The following C19orf44 variants were observed in gnomAD, a reference collection of about 807,000 sequenced individuals.
C19orf44 encodes the protein uncharacterized protein C19orf44.
A neutral mutation model predicts 50.7 loss-of-function variants in C19orf44; 43 were observed. That is an observed-to-expected ratio of 0.85 (90% CI 0.66 to 1.09). C19orf44 has a LOEUF of 1.09. Ranked by LOEUF, C19orf44 falls within the 50% of genes least tolerant of loss-of-function variation. C19orf44 has a pLI of 0.00. For missense variants in C19orf44, 722 were observed against 836.2 expected, an observed-to-expected ratio of 0.86 and a Z score of 1.68; for synonymous variants, 298 against 334.7, an observed-to-expected ratio of 0.89 and a Z score of 1.20.
chr19:16,518,109 G>C (rs572142133), intron 8 of C19orf44: 1 of 152,260 alleles, frequency 6.6e-6, no homozygotes, highest in East Asian at 1.9e-4. Flanking sequence ...CTGTACAAAT[G>C]AATGGAATTG....
In C19orf44 at chr19:16,519,179, C is replaced by T; in HGVS notation, c.*41-915C>T. On this transcript the variant is annotated intron_variant, in intron 8 of 8. Transcript: ENST00000221671. The surrounding 1 kb of genome is among the most constrained non-coding windows in gnomAD (Gnocchi z 6.0). ...GGCGCCTACTTACACTCGTCCCTGGCCTTCATGCGGGCGATGAAGGAGTAG... is the reference window on the plus strand; with the variant it reads ...GGCGCCTACTTACACTCGTCCCTGGTCTTCATGCGGGCGATGAAGGAGTAG... 6.2e-7 allele frequency: 1 copy of T among 1,613,748 alleles called. No homozygotes were observed. Among genetic ancestry groups the T allele is most frequent in the Non-Finnish European group, 8.5e-7 (1 of 1,179,958 alleles).
chr19:16,514,724 C>CG (rs2093467166), intron 7 of C19orf44, 61 bp downstream of exon 7: 1 of 1,448,176 alleles, frequency 6.9e-7, no homozygotes, highest in African/African-American at 1.5e-5. Flanking sequence ...TCCCAGAGGC[C>CG]GGGCCGAAGG....
At chr19:16,504,362 CTT>C (rs1307391300) in intron 3 of C19orf44, among the ~76,000 whole-genome samples, 1 of 152,000 alleles carries the variant, frequency 6.6e-6, no homozygotes, top group Admixed American at 6.6e-5. Context: ...TTTTAGAACT[CTT>C]TTTTTCAGAA....
chr19:16,517,324 G>A lies in C19orf44; in HGVS notation c.*23G>A, dbSNP rs199616007. On this transcript the variant is annotated 3_prime_UTR_variant, in exon 8 of 9. Transcript: ENST00000221671. ...TGAGCGCCAGCAGGTGGAGCTTGAC[G>A]TGACGTCTTAACAAAAGGTATCCCG... 16 of 1,609,556 alleles carry A rather than the reference G, an allele frequency of 9.9e-6. No homozygotes were observed. Among genetic ancestry groups the A allele is most frequent in the Middle Eastern group, 1.7e-4 (1 of 6,058 alleles).
intron 2 of C19orf44, among the ~76,000 whole-genome samples, chr19:16,501,819 G>A (rs749659514): frequency 7.9e-5 from 12 of 151,820 alleles, no homozygotes; most frequent in Admixed American, 2.0e-4. Context: ...TTGAACTTCC[G>A]ATCTCAGGTG....
Position 16,519,939 on chromosome 19 carries a change from A to G in C19orf44, c.*41-155A>G. 1.5e-6 allele frequency: 1 copy of G among 663,466 alleles called. No individual in the cohort carries two copies. Among genetic ancestry groups the G allele is most frequent in the Non-Finnish European group, 2.6e-6 (1 of 386,620 alleles). 41.1% of individuals were successfully genotyped at this position (663,466 alleles called of 1,614,324 possible). ...TCAGCATTGAGAGCAGGACACCTCC[A>G]ACCCAGATGGTGGTTAGAAAGCAGA... On this transcript the variant is annotated intron_variant, in intron 8 of 8. Coordinates refer to ENST00000221671, the MANE Select transcript of C19orf44 (RefSeq NM_032207.4). The surrounding 1 kb of genome is among the most constrained non-coding windows in gnomAD (Gnocchi z 6.0).
rs1223215043 is a variant in C19orf44 at position 16,520,560 on chromosome 19, C to T, written c.*507C>T. 6.4e-7 allele frequency: 1 copy of T among 1,568,314 alleles called. No individual in the cohort carries two copies. The highest frequency in any genetic ancestry group is 1.4e-5 in the African/African-American group (1 of 73,814). On this transcript the variant is annotated 3_prime_UTR_variant, in exon 9 of 9. Transcript: ENST00000221671. This position sits in a 1 kb window ranked among gnomAD's most constrained non-coding sequence, Gnocchi z 4.0. ...GCCCCAGTGGATGGGCTGCACCCAG[C>T]CCACCCTGGCCCTCAGGTTCCTAGA...
rs1409021402 is a variant in C19orf44, at chr19:16,521,318, CTGA to C, written c.*1268_*1270del. 1.7e-6 allele frequency: 1 copy of C among 582,172 alleles called. No individual in the cohort carries two copies. The highest frequency in any genetic ancestry group is 3.0e-6 in the Non-Finnish European group (1 of 332,174). The allele number at this position is 582,172 out of a possible 1,614,324, so 36.1% of individuals were successfully genotyped here. A position where few individuals can be genotyped will look rare whatever the true frequency, so the allele number is the denominator to read the frequency against. On this transcript the variant is annotated 3_prime_UTR_variant, in exon 9 of 9. Transcript: ENST00000221671. ...CGTGCCACACCTTCCCTAACTTCTT[CTGA>C]TGTGTCTCCATTAAAACGCCCTTCA... is the stretch of plus-strand genomic sequence containing the variant.
At position 16,514,574 on chromosome 19, in the gene C19orf44, A is replaced by G. The variant is rs2093466527; in HGVS notation, c.1813A>G (p.Ile605Val). ...GCAGCTGAGCCTGACGCAGCAGTTC[A>G]TCCAGGCCAGCCGGCACCTGCACGC... ...KQQLSLTQQF[I>V]QASRHLHASL... The change falls in exon 7 of 9, where the codon ATC becomes GTC. Residue 605 changes from isoleucine to valine, a missense_variant. Physicochemically the swap from Ile to Val is conservative, Grantham distance 29 (BLOSUM62 3). Transcript: ENST00000221671. 1.2e-6 allele frequency: 2 copies of G among 1,610,438 alleles called. No individual in the cohort carries two copies. The highest frequency in any genetic ancestry group is 2.2e-5 in the East Asian group (1 of 44,772).
chr19:16,517,722 T>C (rs1410434724), intron 8 of C19orf44, among the ~76,000 whole-genome samples: 1 of 152,080 alleles, frequency 6.6e-6, no homozygotes, highest in Non-Finnish European at 1.5e-5. Context: ...ACAGGGTGGA[T>C]GGGAGAAGCC....
Position 16,520,278 on chromosome 19 carries a change from G to A in C19orf44, c.*225G>A. 2 of 1,613,502 alleles carry A rather than the reference G, an allele frequency of 1.2e-6. No homozygotes were observed. The highest frequency in any genetic ancestry group is 1.1e-5 in the South Asian group (1 of 91,068). On this transcript the variant is annotated 3_prime_UTR_variant, in exon 9 of 9. Coordinates refer to ENST00000221671, the MANE Select transcript of C19orf44 (RefSeq NM_032207.4). This position sits in a 1 kb window ranked among gnomAD's most constrained non-coding sequence, Gnocchi z 4.0. ...CCTGCTCCGACTTCTGCAGGGAAGGGTGCCCAAGGGTCAGCAGCAGCCAGG... is the reference window on the plus strand; with the variant it reads ...CCTGCTCCGACTTCTGCAGGGAAGGATGCCCAAGGGTCAGCAGCAGCCAGG...
At position 16,519,518 on chromosome 19, in the gene C19orf44, T is replaced by G; in HGVS notation, c.*41-576T>G. On this transcript the variant is annotated intron_variant, in intron 8 of 8. Coordinates refer to ENST00000221671, the MANE Select transcript of C19orf44 (RefSeq NM_032207.4). The surrounding 1 kb of genome is among the most constrained non-coding windows in gnomAD (Gnocchi z 6.0). ...TGGGTGGAGTCAGAACCGGCCTGAC[T>G]CCATCCATCCCCACATGCACTGAGG... 1 of 1,288,572 alleles carries G rather than the reference T, an allele frequency of 7.8e-7. No individual in the cohort carries two copies. The highest frequency in any genetic ancestry group is 1.1e-6 in the Non-Finnish European group (1 of 894,036). The allele number at this position is 1,288,572 out of a possible 1,614,324, so 79.8% of individuals were successfully genotyped here.
At chr19:16,498,884 A>G (rs1000143985) in intron 1 of C19orf44, among the ~76,000 whole-genome samples, 2 of 150,992 alleles carry the variant, frequency 1.3e-5, no homozygotes, top group Non-Finnish European at 3.0e-5. Context: ...GTTAGCCAGG[A>G]TGGTCTCTAT....
intron 1 of C19orf44, among the ~76,000 whole-genome samples, chr19:16,500,151 AC>A (rs1476565418): frequency 6.6e-6 from 1 of 151,580 alleles, no homozygotes; most frequent in East Asian, 1.9e-4. Context: ...CTGGTCTCGA[AC>A]CCCTGGGCTC....
At chr19:16,503,687 C>T (rs917902324) in intron 3 of C19orf44, among the ~76,000 whole-genome samples, 16 of 151,918 alleles carry the variant, frequency 1.1e-4, no homozygotes, top group Admixed American at 9.2e-4. Context: ...GCCTCAGCCT[C>T]CTGACCAGCT....
At chr19:16,500,764 A>G in intron 1 of C19orf44, 28 bp from the exon 2 acceptor site, 1 of 1,538,532 alleles carries the variant, frequency 6.5e-7, no homozygotes, top group Non-Finnish European at 8.7e-7. Flanking sequence ...AGGTACTCTT[A>G]TGCAAAATTG....
In C19orf44 at chr19:16,521,231, G is replaced by A; in HGVS notation, c.*1178G>A. ...CCTGCAGCCCAGCACAGGAAGGAGG[G>A]GTGACCACTGGGAAGGGTGGGCTGA... is the stretch of plus-strand genomic sequence containing the variant. On this transcript the variant is annotated 3_prime_UTR_variant, in exon 9 of 9. Transcript: ENST00000221671. The A allele has an allele frequency of 3.5e-6, 2 of 572,288 alleles. No homozygotes were observed. Among genetic ancestry groups the A allele is most frequent in the Non-Finnish European group, 6.2e-6 (2 of 320,972 alleles). 35.5% of individuals were successfully genotyped at this position (572,288 alleles called of 1,614,324 possible). A position where few individuals can be genotyped will look rare whatever the true frequency, so the allele number is the denominator to read the frequency against.
rs376321664 is a variant in C19orf44 at position 16,520,420 on chromosome 19, C to T, written c.*367C>T. ...AGGAGCGCGACCTTGACCTTGAGTA[C>T]GAGCCTGAAGACTTGGAGGATCTTG... On this transcript the variant is annotated 3_prime_UTR_variant, in exon 9 of 9. Transcript: ENST00000221671. This position sits in a 1 kb window ranked among gnomAD's most constrained non-coding sequence, Gnocchi z 4.0. 47 of 1,614,072 alleles carry T rather than the reference C, an allele frequency of 2.9e-5. No homozygotes were observed. Among genetic ancestry groups the T allele is most frequent in the African/African-American group, 2.3e-4 (17 of 75,020 alleles).
chr19:16,501,184 CT>C lies in C19orf44; in HGVS notation c.393del (p.Asp132ThrfsTer43), dbSNP rs2093424355. 3 of 1,613,994 alleles carry C rather than the reference CT, an allele frequency of 1.9e-6. No individual in the cohort carries two copies. In the African/African-American group the frequency reaches 4.0e-5, roughly 22 times the overall value. On this transcript the variant is annotated frameshift_variant, in exon 2 of 9. Transcript: ENST00000221671. LOFTEE classifies it high-confidence loss of function. Reference sequence around the variant, plus strand: ...GCCGATGCTGGTCTTCCAAAGAGAGCTGACAGAATCCTCTCTGGGGGTGCAC... The same window carrying C: ...GCCGATGCTGGTCTTCCAAAGAGAGCGACAGAATCCTCTCTGGGGGTGCAC... ...MTADAGLPKR[A>X]DRILSGGALE...
Sources: allele counts gnomAD v4.1 joint callset (sites outside exome capture counted in the v4.1 genomes callset), GRCh38; gene constraint gnomAD v4.1.1; non-coding constraint Gnocchi (gnomAD v3.1); transcripts MANE v1.5; gene names NCBI Gene and HGNC (gene_info 2026-07-23, HGNC 2026-07-21).